Variants in CHIC2 observed in about 807,000 individuals in gnomAD.
CHIC2 encodes the protein cysteine-rich hydrophobic domain-containing protein 2.
Under a neutral mutation model 25.9 loss-of-function variants are expected in CHIC2, and 14 were observed. The observed-to-expected ratio is 0.54, with a 90% CI of 0.36 to 0.85. The LOEUF (loss-of-function observed/expected upper bound fraction) is 0.85, where lower values mean the gene tolerates loss of function less well. Among genes scored for constraint, CHIC2 ranks in the 40% least tolerant of loss-of-function variants. The pLI, the probability that CHIC2 is intolerant of heterozygous loss-of-function variation, is 0.01. For synonymous variants in CHIC2, 70 were observed against 72.0 expected (o/e 0.97, Z 0.14); for missense variants, 146 against 202.0 (o/e 0.72, Z 1.68).
the CHIC2 span, among the ~76,000 whole-genome samples, chr4:54,076,444 T>C: frequency 1.3e-5 from 2 of 152,160 alleles, no homozygotes; most frequent in Admixed American, 6.5e-5. Flanking sequence ...GGAAAAAATA[T>C]AAGCAATGAG....
chr4:54,010,188 A>T (rs758547931), intron 5 of CHIC2, 43 bp from the exon 6 acceptor site: 5 of 1,436,012 alleles, frequency 3.5e-6, no homozygotes, highest in East Asian at 4.6e-5. Context: ...TTTAAACAAA[A>T]TTTTTTCTTA....
At chr4:54,029,016 T>C (rs948040147) in intron 3 of CHIC2, among the ~76,000 whole-genome samples, 1 of 151,668 alleles carries the variant, frequency 6.6e-6, no homozygotes, top group Non-Finnish European at 1.5e-5. Flanking sequence ...CCAGCTACTC[T>C]GGAGGCTGAG....
intron 3 of CHIC2, among the ~76,000 whole-genome samples, chr4:54,046,482 A>G (rs2110082950): frequency 6.6e-6 from 1 of 152,336 alleles, no homozygotes; most frequent in East Asian, 1.9e-4. Context: ...CAGAGCCCTC[A>G]GAAAAAATGC....
chr4:54,086,985 C>T, the CHIC2 span: 1 of 873,590 alleles, frequency 1.1e-6, no homozygotes, highest in East Asian at 2.6e-5. Context: ...AAGAAGACAA[C>T]TTCAAAAAAC....
chr4:54,009,838 C>G lies in CHIC2; in HGVS notation c.*257G>C. ...TTTTTTGATAATACAAAAAAGTAAT[C>G]CTTGAAAATCAGAATACATAACAGA... On this transcript the variant is annotated 3_prime_UTR_variant, in exon 6 of 6. Coordinates refer to ENST00000263921, the MANE Select transcript of CHIC2 (RefSeq NM_012110.4). The G allele has an allele frequency of 6.4e-6, 2 of 314,936 alleles. No homozygotes were observed. The highest frequency in any genetic ancestry group is 1.2e-5 in the Non-Finnish European group (2 of 169,454). The allele number at this position is 314,936 out of a possible 1,614,324, so 19.5% of individuals were successfully genotyped here. A position where few individuals can be genotyped will look rare whatever the true frequency, so the allele number is the denominator to read the frequency against.
In CHIC2 at chr4:54,013,988, T is replaced by G. The variant is rs1484505533; in HGVS notation, c.387+75A>C. On this transcript the variant is annotated intron_variant, in intron 4 of 5. Coordinates refer to ENST00000263921, the MANE Select transcript of CHIC2 (RefSeq NM_012110.4). Reference sequence around the variant, plus strand: ...ATTTGTCCACCTTTCATATTTTTAGTTCAACAAAAGCATCTGTTTCCATAC... The same window carrying G: ...ATTTGTCCACCTTTCATATTTTTAGGTCAACAAAAGCATCTGTTTCCATAC... 7 of 1,598,486 alleles carry G rather than the reference T, an allele frequency of 4.4e-6. No individual in the cohort carries two copies. The East Asian group carries it at 1.6e-4, about 36-fold the overall frequency.
At chr4:54,089,731 T>C in the CHIC2 span, among the ~76,000 whole-genome samples, 4 of 152,224 alleles carry the variant, frequency 2.6e-5, no homozygotes, top group African/African-American at 7.2e-5. Context: ...GCATTTTTAT[T>C]TCCCTTGGTA....
chr4:54,045,984 C>T (rs965166784), intron 3 of CHIC2, among the ~76,000 whole-genome samples: 2 of 152,094 alleles, frequency 1.3e-5, no homozygotes, highest in Non-Finnish European at 2.9e-5. Flanking sequence ...GCAAAAATCA[C>T]AAGCATTCTT....
chr4:54,013,780 G>GA, intron 5 of CHIC2, 57 bp downstream of exon 5: 2 of 1,538,078 alleles, frequency 1.3e-6, no homozygotes, highest in Non-Finnish European at 1.8e-6. Context: ...AATAAGATCA[G>GA]AAGCAAAATA....
chr4:54,023,888 C>A (rs1284154058), intron 3 of CHIC2, among the ~76,000 whole-genome samples: 6 of 152,300 alleles, frequency 3.9e-5, no homozygotes, highest in Non-Finnish European at 8.8e-5. Flanking sequence ...TGCAAGGGTC[C>A]TCCATCATTA....
chr4:54,027,834 A>G (rs557507437), intron 3 of CHIC2, among the ~76,000 whole-genome samples: 2 of 152,354 alleles, frequency 1.3e-5, no homozygotes, highest in East Asian at 3.9e-4. Flanking sequence ...CTTTACCAGA[A>G]GTCATGTAAA....
At chr4:54,021,181 C>T (rs1161997572) in intron 3 of CHIC2, among the ~76,000 whole-genome samples, 2 of 152,118 alleles carry the variant, frequency 1.3e-5, no homozygotes, top group Non-Finnish European at 2.9e-5. Context: ...CCGCTTGACC[C>T]CAATACAAAC....
chr4:54,017,215 C>T (rs531402703), intron 3 of CHIC2, among the ~76,000 whole-genome samples: 1 of 152,164 alleles, frequency 6.6e-6, no homozygotes, highest in Admixed American at 6.5e-5. Context: ...CAAATCTAAT[C>T]ATATAACAAC....
At chr4:54,015,631 A>G (rs1715715455) in intron 3 of CHIC2, among the ~76,000 whole-genome samples, 1 of 152,156 alleles carries the variant, frequency 6.6e-6, no homozygotes, top group African/African-American at 2.4e-5. Context: ...ATTTGATTCT[A>G]ATCGCACCAT....
intron 3 of CHIC2, among the ~76,000 whole-genome samples, chr4:54,024,334 A>G (rs1488409351): frequency 1.3e-5 from 2 of 152,078 alleles, no homozygotes; most frequent in African/African-American, 4.8e-5. Context: ...TCCCTCTTGG[A>G]GTGGATAGAT....
the CHIC2 span, among the ~76,000 whole-genome samples, chr4:54,085,391 C>A: frequency 6.6e-6 from 1 of 152,268 alleles, no homozygotes; most frequent in East Asian, 1.9e-4. Context: ...GCTGTGTATG[C>A]ATACAGAATT....
chr4:54,033,559 G>C (rs1716296847), intron 3 of CHIC2, among the ~76,000 whole-genome samples: 1 of 152,100 alleles, frequency 6.6e-6, no homozygotes, highest in Admixed American at 6.6e-5. Flanking sequence ...TGTTCTTTTA[G>C]GGATTGTGCT....
At chr4:54,076,240 C>T in the CHIC2 span, among the ~76,000 whole-genome samples, 1 of 151,916 alleles carries the variant, frequency 6.6e-6, no homozygotes. Context: ...GAGCCATGAT[C>T]ATGCCACTGT....
chr4:54,018,423 T>C (rs1302693163), intron 3 of CHIC2, among the ~76,000 whole-genome samples: 1 of 152,144 alleles, frequency 6.6e-6, no homozygotes, highest in Non-Finnish European at 1.5e-5. Context: ...TAGATATAAA[T>C]TAGTCTTCCA....
Sources: allele counts gnomAD v4.1 joint callset (sites outside exome capture counted in the v4.1 genomes callset), GRCh38; gene constraint gnomAD v4.1.1; transcripts MANE v1.5; gene names NCBI Gene and HGNC (gene_info 2026-07-23, HGNC 2026-07-21).